PCDHGB6: variants seen among roughly 807,000 people sequenced by gnomAD.
PCDHGB6 encodes the protein protocadherin gamma subfamily B, 6.
PCDHGB6 carries 51 observed loss-of-function variants against 59.1 expected under a neutral mutation model. That is an observed-to-expected ratio of 0.86 (90% CI 0.69 to 1.09). The LOEUF is 1.09. PCDHGB6 is among the 50% of genes least tolerant of loss of function. The pLI, the probability that PCDHGB6 is intolerant of heterozygous loss-of-function variation, is 0.00. For synonymous variants in PCDHGB6, 466 were observed against 495.1 expected, an observed-to-expected ratio of 0.94 and a Z score of 0.78; for missense variants, 1,148 against 1,205.1, an observed-to-expected ratio of 0.95 and a Z score of 0.70.
At position 141,431,412 on chromosome 5, in the gene PCDHGB6, G is replaced by A. The variant is rs1458036274; in HGVS notation, c.2418+20792G>A. ...CTGGTCCTTACGGCCTCCGACGGGG[G>A]CGACCCGGTGCGCACAGGCACCGCG... On this transcript the variant is annotated intron_variant, in intron 1 of 3. Transcript: ENST00000520790. This position sits in a 1 kb window ranked among gnomAD's most constrained non-coding sequence, Gnocchi z 4.8. 1 of 1,613,596 alleles carries A rather than the reference G, an allele frequency of 6.2e-7. No homozygotes were observed. Among genetic ancestry groups the A allele is most frequent in the Non-Finnish European group, 8.5e-7 (1 of 1,180,058 alleles).
Position 141,491,652 on chromosome 5 carries a change from G to T in PCDHGB6, c.2419-3155G>T. ...AGCAGCCCACAGCTCTGGCGCTGGA[G>T]CCTGACGCCATCCGGTCCCGCTCTA... On this transcript the variant is annotated intron_variant, in intron 1 of 3. Transcript: ENST00000520790. The surrounding 1 kb of genome is among the most constrained non-coding windows in gnomAD (Gnocchi z 6.9). The T allele has an allele frequency of 6.2e-7, 1 of 1,613,844 alleles. No homozygotes were observed.
At chr5:141,421,252 G>A in intron 1 of PCDHGB6, 1 of 1,607,158 alleles carries the variant, frequency 6.2e-7, no homozygotes, top group Non-Finnish European at 8.5e-7. Context: ...ACAGCGCGGG[G>A]ACCGCAGTCG....
At chr5:141,499,013 GA>G (rs2099788463) in intron 2 of PCDHGB6, among the ~76,000 whole-genome samples, 1 of 144,746 alleles carries the variant, frequency 6.9e-6, no homozygotes, top group Non-Finnish European at 1.5e-5. Context: ...AGGAAGGAAG[GA>G]AGGAAGGAAG....
Position 141,489,465 on chromosome 5 carries a change from T to C in PCDHGB6, c.2419-5342T>C. On this transcript the variant is annotated intron_variant, in intron 1 of 3. Transcript: ENST00000520790. The surrounding 1 kb of genome is among the most constrained non-coding windows in gnomAD (Gnocchi z 4.5). The stretch of plus-strand genomic sequence containing the variant: ...GCTCTGAGGAGAATGGGCGCTATTT[T>C]TCCCTGAGCTTGATGAGTGGTGCCC... The C allele has an allele frequency of 1.2e-6, 2 of 1,614,082 alleles. No homozygotes were observed. The highest frequency in any genetic ancestry group is 1.3e-5 in the African/African-American group (1 of 75,042).
intron 1 of PCDHGB6, among the ~76,000 whole-genome samples, chr5:141,446,698 G>C (rs750413432): frequency 1.3e-5 from 2 of 152,070 alleles, no homozygotes; most frequent in African/African-American, 4.8e-5. Flanking sequence ...GGCTGGTCTC[G>C]AACTCTGATC....
intron 1 of PCDHGB6, among the ~76,000 whole-genome samples, chr5:141,466,826 G>A (rs978548667): frequency 1.2e-4 from 18 of 152,056 alleles, no homozygotes; most frequent in Admixed American, 8.5e-4. Flanking sequence ...TAACAAGTTA[G>A]TATGGGTTTA....
rs770419617 is a variant in PCDHGB6, at chr5:141,421,523, C to T, written c.2418+10903C>T. The T allele has an allele frequency of 2.5e-6, 4 of 1,614,034 alleles. No homozygotes were observed. In the Admixed American group the frequency reaches 5.0e-5, roughly 20 times the overall value. ...ATAGACCGGGAGGAGCTCTGTGAGA[C>T]GGTGTCCTCCTGTTTTTTAAATATG... On this transcript the variant is annotated intron_variant, in intron 1 of 3. Transcript: ENST00000520790.
At chr5:141,467,920 A>G (rs1244280087) in intron 1 of PCDHGB6, among the ~76,000 whole-genome samples, 1 of 152,124 alleles carries the variant, frequency 6.6e-6, no homozygotes, top group Non-Finnish European at 1.5e-5. Flanking sequence ...CAGCCTCCCA[A>G]AATGCTAGGA....
Position 141,491,536 on chromosome 5 carries a change from C to T in PCDHGB6, c.2419-3271C>T, listed in dbSNP as rs746800813. 1.2e-6 allele frequency: 2 copies of T among 1,614,006 alleles called. No individual in the cohort carries two copies. Among genetic ancestry groups the T allele is most frequent in the Admixed American group, 3.3e-5 (2 of 60,030 alleles). On this transcript the variant is annotated intron_variant, in intron 1 of 3. Coordinates refer to ENST00000520790, the MANE Select transcript of PCDHGB6 (RefSeq NM_018926.3). This position sits in a 1 kb window ranked among gnomAD's most constrained non-coding sequence, Gnocchi z 6.9. ...CAAGTACATGGAGGTGACGCTGCGG[C>T]CCACAGACTCGCAGAGCCACTGCTA...
At chr5:141,450,190 G>A (rs1368992094) in intron 1 of PCDHGB6, among the ~76,000 whole-genome samples, 1 of 151,588 alleles carries the variant, frequency 6.6e-6, no homozygotes, top group African/African-American at 2.4e-5. Flanking sequence ...GCTAATTTTT[G>A]TATTTTTAGT....
intron 1 of PCDHGB6, 102 bp from the exon 2 acceptor site, chr5:141,494,705 G>A (rs2099756254): frequency 1.3e-6 from 2 of 1,597,990 alleles, no homozygotes; most frequent in East Asian, 2.2e-5. Context: ...TTTCTTCTCT[G>A]TGCCCACTCC....
At chr5:141,443,054 A>G (rs1591749542) in intron 1 of PCDHGB6, among the ~76,000 whole-genome samples, 1 of 152,218 alleles carries the variant, frequency 6.6e-6, no homozygotes. Flanking sequence ...TTATTGTTCC[A>G]CTGAAGAGCG....
At chr5:141,481,531 G>A (rs1342825952) in intron 1 of PCDHGB6, among the ~76,000 whole-genome samples, 2 of 152,206 alleles carry the variant, frequency 1.3e-5, no homozygotes, top group African/African-American at 4.8e-5. Context: ...AAAATCTAGA[G>A]ATGGGGCTGG....
chr5:141,442,131 A>T, intron 1 of PCDHGB6: 1 of 165,118 alleles, frequency 6.1e-6, no homozygotes, highest in Non-Finnish European at 1.3e-5. Context: ...GACAGCCTGC[A>T]GGAGACTCTG....
rs369748404 is a variant in PCDHGB6 at position 141,476,671 on chromosome 5, G to A, written c.2419-18136G>A. The A allele has an allele frequency of 6.2e-7, 1 of 1,614,128 alleles. No homozygotes were observed. Among genetic ancestry groups the A allele is most frequent in the Non-Finnish European group, 8.5e-7 (1 of 1,180,056 alleles). On this transcript the variant is annotated intron_variant, in intron 1 of 3. Coordinates refer to ENST00000520790, the MANE Select transcript of PCDHGB6 (RefSeq NM_018926.3). This position sits in a 1 kb window ranked among gnomAD's most constrained non-coding sequence, Gnocchi z 7.6. ...ATGAATACTTTGCGCTTCGCGTGCA[G>A]ACGCGGGAGGACAGCACCAAGTACG...
chr5:141,501,333 A>ACACACACC (rs1186649373), intron 2 of PCDHGB6, among the ~76,000 whole-genome samples: 1 of 140,020 alleles, frequency 7.1e-6, no homozygotes, highest in African/African-American at 2.6e-5. Context: ...ACACACACAC[A>ACACACACC]CCCCAAACTC....
chr5:141,414,351 G>C (rs771256149), intron 1 of PCDHGB6: 2 of 1,613,676 alleles, frequency 1.2e-6, no homozygotes, highest in Non-Finnish European at 1.7e-6. Context: ...CCATTTTGGC[G>C]TATCTACCAT....
At chr5:141,488,042 G>T (rs2099670966) in intron 1 of PCDHGB6, among the ~76,000 whole-genome samples, 1 of 152,168 alleles carries the variant, frequency 6.6e-6, no homozygotes, top group Non-Finnish European at 1.5e-5. Context: ...TTTCCCAAGG[G>T]ATTGAGGGGA....
Position 141,511,202 on chromosome 5 carries a change from C to A in PCDHGB6, c.*29C>A. On this transcript the variant is annotated 3_prime_UTR_variant, in exon 4 of 4. Transcript: ENST00000520790. ...GGAGGCCAGGCCAAGAGCCACAGGG[C>A]GGCCTCTCCCCAACCAGCCCAGCTT... The A allele has an allele frequency of 6.2e-7, 1 of 1,612,136 alleles. No individual in the cohort carries two copies.
Sources: allele counts gnomAD v4.1 joint callset (sites outside exome capture counted in the v4.1 genomes callset), GRCh38; gene constraint gnomAD v4.1.1; non-coding constraint Gnocchi (gnomAD v3.1); transcripts MANE v1.5; gene names NCBI Gene and HGNC (gene_info 2026-07-23, HGNC 2026-07-21).